Variants in SKAP1 observed in about 807,000 individuals in gnomAD.
The protein encoded by SKAP1 is src kinase associated phosphoprotein 1.
SKAP1 carries 44 observed loss-of-function variants against 58.5 expected under a neutral mutation model. That is an observed-to-expected ratio of 0.75 (90% CI 0.59 to 0.97). The LOEUF (loss-of-function observed/expected upper bound fraction) is 0.97, where lower values mean the gene tolerates loss of function less well. Among genes scored for constraint, SKAP1 ranks in the 50% least tolerant of loss-of-function variants. The pLI is 0.00. For synonymous variants in SKAP1, 127 were observed against 149.7 expected, an observed-to-expected ratio of 0.85 and a Z score of 1.11; for missense variants, 390 against 435.2, an observed-to-expected ratio of 0.90 and a Z score of 0.92.
At chr17:48,184,654 T>C (rs2143484863) in intron 7 of SKAP1, 69 bp downstream of exon 7, 1 of 1,593,470 alleles carries the variant, frequency 6.3e-7, no homozygotes. Flanking sequence ...ATAGCAACCA[T>C]GGCTCACATG....
At chr17:48,359,912 C>T (rs2066915689) in intron 3 of SKAP1, among the ~76,000 whole-genome samples, 1 of 152,084 alleles carries the variant, frequency 6.6e-6, no homozygotes. Flanking sequence ...GCCTGCCAGG[C>T]TATATTATTA....
chr17:48,139,430 C>T (rs1163182949), intron 11 of SKAP1, among the ~76,000 whole-genome samples: 2 of 152,034 alleles, frequency 1.3e-5, no homozygotes, highest in African/African-American at 2.4e-5. Flanking sequence ...ATCCACCCGC[C>T]GCAGCCTCCC....
intron 4 of SKAP1, among the ~76,000 whole-genome samples, chr17:48,273,508 C>T (rs1252890773): frequency 6.6e-6 from 1 of 151,664 alleles, no homozygotes; most frequent in Non-Finnish European, 1.5e-5. Flanking sequence ...TCTCCGCCTC[C>T]CTGGGTTCAA....
chr17:48,435,872 AAC>A, the SKAP1 span, among the ~76,000 whole-genome samples: 1 of 152,234 alleles, frequency 6.6e-6, no homozygotes, highest in Admixed American at 6.5e-5. Context: ...TGGATATTCT[AAC>A]AAGAACCACC....
intron 4 of SKAP1, among the ~76,000 whole-genome samples, chr17:48,312,102 A>G (rs1451480082): frequency 6.6e-6 from 1 of 152,224 alleles, no homozygotes; most frequent in Non-Finnish European, 1.5e-5. Context: ...ATTTAACATT[A>G]ACATACGATT....
intron 4 of SKAP1, among the ~76,000 whole-genome samples, chr17:48,206,576 C>T (rs1158578151): frequency 2.6e-5 from 4 of 151,918 alleles, no homozygotes; most frequent in Non-Finnish European, 2.9e-5. Context: ...TAACCACACT[C>T]GAAACATGAA....
intron 4 of SKAP1, among the ~76,000 whole-genome samples, chr17:48,206,188 A>C (rs935799136): frequency 6.6e-6 from 1 of 152,254 alleles, no homozygotes; most frequent in African/African-American, 2.4e-5. Context: ...TTAGAAAACT[A>C]TGCAAATGAA....
chr17:48,143,166 G>C (rs2063789349), intron 11 of SKAP1, among the ~76,000 whole-genome samples: 1 of 149,392 alleles, frequency 6.7e-6, no homozygotes, highest in Non-Finnish European at 1.5e-5. Flanking sequence ...ACGTCTTATG[G>C]GAAATTACCT....
chr17:48,157,315 A>AACCT (rs1157453147), intron 11 of SKAP1, among the ~76,000 whole-genome samples: 1 of 151,802 alleles, frequency 6.6e-6, no homozygotes, highest in South Asian at 2.1e-4. Flanking sequence ...GGCTCACTGC[A>AACCT]ACCTCTGCCT....
intron 11 of SKAP1, among the ~76,000 whole-genome samples, chr17:48,158,304 T>C (rs1350391370): frequency 6.6e-6 from 1 of 151,342 alleles, no homozygotes; most frequent in East Asian, 1.9e-4. Context: ...CCTAACACTT[T>C]GGGAGGCCGA....
chr17:48,430,007 G>T (rs1356983569), intron 1 of SKAP1, 68 bp downstream of exon 1: 32 of 1,211,004 alleles, frequency 2.6e-5, no homozygotes, highest in Non-Finnish European at 3.4e-5. Flanking sequence ...AAGCCTGGCC[G>T]TGGGAGGCCT....
At chr17:48,340,064 C>T (rs939722576) in intron 4 of SKAP1, among the ~76,000 whole-genome samples, 2 of 152,096 alleles carry the variant, frequency 1.3e-5, no homozygotes, top group African/African-American at 4.8e-5. Context: ...CCTATAATCC[C>T]AGCTACTCAG....
chr17:48,297,312 TACA>T (rs1350805969), intron 4 of SKAP1, among the ~76,000 whole-genome samples: 2 of 152,232 alleles, frequency 1.3e-5, no homozygotes. Flanking sequence ...CAGTCCTGTG[TACA>T]ACAAGTTTTG....
At chr17:48,330,740 G>GT (rs2066494573) in intron 4 of SKAP1, among the ~76,000 whole-genome samples, 2 of 152,058 alleles carry the variant, frequency 1.3e-5, no homozygotes, top group Non-Finnish European at 2.9e-5. Context: ...CTATAGTGTT[G>GT]TGGGTCCTGC....
chr17:48,415,694 C>T (rs2067724513), intron 1 of SKAP1, among the ~76,000 whole-genome samples: 1 of 152,160 alleles, frequency 6.6e-6, no homozygotes, highest in Non-Finnish European at 1.5e-5. Flanking sequence ...CTCCTCCCTA[C>T]GTGGGGCCCC....
chr17:48,377,585 A>T (rs984493559), intron 2 of SKAP1, among the ~76,000 whole-genome samples: 1 of 151,884 alleles, frequency 6.6e-6, no homozygotes, highest in Non-Finnish European at 1.5e-5. Context: ...CTCAAAAAAA[A>T]AAAAAAAAAT....
chr17:48,145,370 C>A lies in SKAP1; in HGVS notation c.979-8033G>T, dbSNP rs1392108079. On this transcript the variant is annotated intron_variant, in intron 11 of 12. Coordinates refer to ENST00000336915, the MANE Select transcript of SKAP1 (RefSeq NM_003726.4). ...TCAGCAACAATCAAAGTGTTTATGG[C>A]AGATTTCACACTGCCATAAAAGGAT... is the stretch of plus-strand genomic sequence containing the variant. Among the ~76,000 whole-genome samples the A allele has an allele frequency of 2.0e-5, 3 of 150,992 alleles. No homozygotes were observed. The East Asian group carries it at 5.8e-4, about 29-fold the overall frequency.
At position 48,336,795 on chromosome 17, in the gene SKAP1, T is replaced by C. The variant is rs571831947; in HGVS notation, c.280+9110A>G. On this transcript the variant is annotated intron_variant, in intron 4 of 12. Coordinates refer to ENST00000336915, the MANE Select transcript of SKAP1 (RefSeq NM_003726.4). The stretch of plus-strand genomic sequence containing the variant: ...TTTTCCCCTAAGCTCTGACAATCTC[T>C]AGGTTCAACTGTATTCTTGGGCATT... Among the ~76,000 whole-genome samples the C allele has an allele frequency of 2.0e-5, 3 of 152,310 alleles. No individual in the cohort carries two copies. The South Asian group carries it at 6.2e-4, about 32-fold the overall frequency.
chr17:48,162,796 C>G, intron 10 of SKAP1: 1 of 343,658 alleles, frequency 2.9e-6, no homozygotes, highest in Non-Finnish European at 5.2e-6. Flanking sequence ...TAGTAGGATG[C>G]CGTTCAACAA....
Sources: gnomAD v4.1 joint callset for allele counts (sites outside exome capture counted in the v4.1 genomes callset) on GRCh38, gnomAD v4.1.1 for gene constraint, MANE v1.5 for transcripts, NCBI Gene and HGNC (gene_info 2026-07-23, HGNC 2026-07-21) for gene names.